The following PCDH15 variants were observed in gnomAD, a reference collection of about 807,000 sequenced individuals.
The protein encoded by PCDH15 is protocadherin-15.
PCDH15 carries 129 observed loss-of-function variants against 178.5 expected under a neutral mutation model. The ratio of observed to expected loss-of-function variants is 0.72; its 90% CI spans 0.63 to 0.84. The LOEUF is 0.84. Among genes scored for constraint, PCDH15 ranks in the 40% least tolerant of loss-of-function variants. The pLI is 0.00. For synonymous variants in PCDH15, 800 were observed against 732.0 expected (o/e 1.09, Z -1.50); for missense variants, 2,230 against 2,099.9 (o/e 1.06, Z -1.21).
chr10:55,287,059 G>T (rs1842889781), intron 1 of PCDH15, among the ~76,000 whole-genome samples: 1 of 151,644 alleles, frequency 6.6e-6, no homozygotes. Context: ...CATTAATACA[G>T]ACACACAGTG....
At chr10:54,584,774 G>A (rs2091328654) in intron 2 of PCDH15, among the ~76,000 whole-genome samples, 1 of 152,040 alleles carries the variant, frequency 6.6e-6, no homozygotes, top group Non-Finnish European at 1.5e-5. Flanking sequence ...CTGGACCACT[G>A]AAATCAAGTA....
chr10:53,960,794 T>A lies in PCDH15; in HGVS notation c.3010-950A>T, dbSNP rs115440781. ...AGCGGTAAAATCATGAGAGACATAG[T>A]GCTCACTGATCCTTACGTGGTTAAC... On this transcript the variant is annotated intron_variant, in intron 22 of 37. Coordinates refer to ENST00000644397, the MANE Select transcript of PCDH15 (RefSeq NM_001384140.1). Among the ~76,000 whole-genome samples the A allele has an allele frequency of 2.2e-3, 338 of 152,332 alleles. 2 individuals are homozygous for A. The highest frequency in any genetic ancestry group is 7.6e-3 in the African/African-American group (316 of 41,582).
In PCDH15 at chr10:54,692,699, A is replaced by AAACATCCCTGATTGAGTAACTCTG. The variant is rs66510225; in HGVS notation, c.-28-28410_-28-28409insCAGAGTTACTCAATCAGGGATGTT. 4.6e-5 allele frequency among the ~76,000 whole-genome samples: 7 copies of AAACATCCCTGATTGAGTAACTCTG among 152,196 alleles called. 1 individual carries two copies. In the East Asian group the frequency reaches 1.2e-3, roughly 25 times the overall value. On this transcript the variant is annotated intron_variant, in intron 1 of 37. Transcript: ENST00000644397. ...CTTAAACTTAAAAGCGAATAACTCC[A>AAACATCCCTGATTGAGTAACTCTG]AACATCCCTGATTGAATAACTCAAA...
intron 1 of PCDH15, among the ~76,000 whole-genome samples, chr10:55,260,734 A>G (rs1466161541): frequency 6.6e-6 from 1 of 152,212 alleles, no homozygotes; most frequent in Non-Finnish European, 1.5e-5. Context: ...TGCATTTAAC[A>G]AGTTAACCCA....
chr10:54,023,304 T>C (rs2092984635), intron 18 of PCDH15, 107 bp from the exon 19 acceptor site: 5 of 1,054,072 alleles, frequency 4.7e-6, no homozygotes, highest in Non-Finnish European at 7.0e-6. Flanking sequence ...CCAAAAATTA[T>C]TTGGCCCTCT....
chr10:54,361,745 A>T (rs1278683112), intron 5 of PCDH15, among the ~76,000 whole-genome samples: 1 of 152,032 alleles, frequency 6.6e-6, no homozygotes, highest in Non-Finnish European at 1.5e-5. Flanking sequence ...ATTAGTATTA[A>T]TATTTATTCA....
chr10:54,202,823 A>AT, intron 10 of PCDH15, among the ~76,000 whole-genome samples: 1 of 149,926 alleles, frequency 6.7e-6, no homozygotes, highest in Non-Finnish European at 1.5e-5. Flanking sequence ...AAAAAAAAAA[A>AT]AAAAAAAAGT....
At chr10:54,540,287 G>A (rs2085063926) in intron 2 of PCDH15, among the ~76,000 whole-genome samples, 1 of 152,002 alleles carries the variant, frequency 6.6e-6, no homozygotes, top group South Asian at 2.1e-4. Flanking sequence ...ACAAAACAGA[G>A]AAGATCCAGA....
chr10:54,801,660 C>CT (rs1348610491), upstream of PCDH15, among the ~76,000 whole-genome samples: 16 of 152,168 alleles, frequency 1.1e-4, no homozygotes, highest in African/African-American at 3.9e-4. Context: ...TAAATCTACC[C>CT]TCTTATATGA....
intron 1 of PCDH15, among the ~76,000 whole-genome samples, chr10:54,732,731 T>C (rs1178716653): frequency 6.6e-6 from 1 of 151,402 alleles, no homozygotes; most frequent in African/African-American, 2.4e-5. Flanking sequence ...AAAAACATGA[T>C]CAAGTAAAAC....
chr10:55,487,334 G>A (rs992987581), intron 2 of PCDH15, among the ~76,000 whole-genome samples: 5 of 151,584 alleles, frequency 3.3e-5, no homozygotes, highest in African/African-American at 1.2e-4. Context: ...ACTGAGGTTT[G>A]TCATCATCAG....
At position 54,717,937 on chromosome 10, in the gene PCDH15, A is replaced by T. The variant is rs1365668722; in HGVS notation, c.-28-53647T>A. Among the ~76,000 whole-genome samples, 4 of 146,194 alleles carry T rather than the reference A, an allele frequency of 2.7e-5. 1 individual carries two copies. Among genetic ancestry groups the T allele is most frequent in the Admixed American group, 6.9e-5 (1 of 14,440 alleles). On this transcript the variant is annotated intron_variant, in intron 1 of 37. Coordinates refer to ENST00000644397, the MANE Select transcript of PCDH15 (RefSeq NM_001384140.1). ...CATGGAATACTATGCAGCCATAAAAAATGATGAGTTCATGTCCTTTGTAGG... is the reference window on the plus strand; with the variant it reads ...CATGGAATACTATGCAGCCATAAAATATGATGAGTTCATGTCCTTTGTAGG...
At chr10:54,764,677 A>C (rs538253893) in intron 1 of PCDH15, among the ~76,000 whole-genome samples, 1 of 152,244 alleles carries the variant, frequency 6.6e-6, no homozygotes, top group South Asian at 2.1e-4. Context: ...CAAGGAAAAA[A>C]TATGCTCTGA....
intron 2 of PCDH15, among the ~76,000 whole-genome samples, chr10:54,660,348 A>G (rs139245537): frequency 7.5e-4 from 114 of 152,192 alleles, no homozygotes; most frequent in African/African-American, 2.7e-3. Flanking sequence ...TCTGTGATCA[A>G]AAACGAGAAA....
intron 1 of PCDH15, among the ~76,000 whole-genome samples, chr10:54,779,450 ACT>A (rs1217178961): frequency 2.2e-4 from 28 of 127,830 alleles, no homozygotes; most frequent in East Asian, 9.0e-4. Context: ...ATATATATAC[ACT>A]CATATATGTG....
intron 25 of PCDH15, among the ~76,000 whole-genome samples, chr10:53,922,860 G>C (rs546299073): frequency 3.3e-5 from 5 of 152,088 alleles, no homozygotes; most frequent in Non-Finnish European, 5.9e-5. Flanking sequence ...GCTGGGGGTG[G>C]GTGGATCACG....
intron 2 of PCDH15, among the ~76,000 whole-genome samples, chr10:55,105,839 A>C (rs10825465): frequency 0.085 from 12,872 of 152,188 alleles, 672 homozygotes; most frequent in East Asian, 0.26. Context: ...TCAATCCATA[A>C]AAAAGTGATT....
At chr10:54,249,123 C>T in intron 8 of PCDH15, among the ~76,000 whole-genome samples, 1 of 151,922 alleles carries the variant, frequency 6.6e-6, no homozygotes, top group East Asian at 1.9e-4. Context: ...TATTTTGTAT[C>T]AGTATTTGTT....
intron 3 of PCDH15, among the ~76,000 whole-genome samples, chr10:54,379,443 A>C (rs1452511758): frequency 1.3e-5 from 2 of 152,152 alleles, no homozygotes; most frequent in East Asian, 3.9e-4. Context: ...AAATACATAA[A>C]ACATACATCT....
Sources: allele counts gnomAD v4.1 joint callset (sites outside exome capture counted in the v4.1 genomes callset), GRCh38; gene constraint gnomAD v4.1.1; transcripts MANE v1.5; gene names NCBI Gene and HGNC (gene_info 2026-07-23, HGNC 2026-07-21).